SPMIP2: variants seen among roughly 807,000 people sequenced by gnomAD.
SPMIP2 encodes the protein sperm microtubule inner protein 2, also known as protein SPMIP2.
the SPMIP2 span, among the ~76,000 whole-genome samples, chr4:158,923,060 T>C: frequency 1.3e-5 from 2 of 152,222 alleles, no homozygotes; most frequent in African/African-American, 4.8e-5. Flanking sequence ...TTGTTAAAGT[T>C]AGTTGACCAT....
the SPMIP2 span, chr4:158,960,274 A>G: frequency 5.4e-6 from 8 of 1,480,080 alleles, no homozygotes; most frequent in Admixed American, 1.5e-4. Flanking sequence ...AAATATATTC[A>G]TATTTGCTTA....
the SPMIP2 span, among the ~76,000 whole-genome samples, chr4:159,030,451 G>A: frequency 5.3e-5 from 8 of 149,568 alleles, no homozygotes; most frequent in Non-Finnish European, 1.0e-4. Context: ...CCTATGCCAA[G>A]AGAAAGCAAA....
At chr4:158,948,723 CCACCT>C in the SPMIP2 span, among the ~76,000 whole-genome samples, 1 of 151,738 alleles carries the variant, frequency 6.6e-6, no homozygotes, top group Non-Finnish European at 1.5e-5. Context: ...AGTGATCCTC[CCACCT>C]CAAGTAGCTG....
the SPMIP2 span, among the ~76,000 whole-genome samples, chr4:158,908,669 C>T: frequency 6.6e-6 from 1 of 152,144 alleles, no homozygotes; most frequent in Non-Finnish European, 1.5e-5. Flanking sequence ...TTCATGAAGA[C>T]TCTGTATATA....
the SPMIP2 span, among the ~76,000 whole-genome samples, chr4:159,026,715 T>C: frequency 6.6e-6 from 1 of 152,052 alleles, no homozygotes; most frequent in South Asian, 2.1e-4. Flanking sequence ...AATAAATGTG[T>C]TTGTGCTAAA....
At chr4:158,998,729 G>C in the SPMIP2 span, among the ~76,000 whole-genome samples, 1 of 152,182 alleles carries the variant, frequency 6.6e-6, no homozygotes, top group Non-Finnish European at 1.5e-5. Flanking sequence ...ACCCACACTG[G>C]AAAGAGCTGA....
chr4:159,062,591 C>T, the SPMIP2 span, among the ~76,000 whole-genome samples: 1 of 152,150 alleles, frequency 6.6e-6, no homozygotes, highest in Non-Finnish European at 1.5e-5. Context: ...TATCACCTCA[C>T]CTGACTCTTG....
the SPMIP2 span, among the ~76,000 whole-genome samples, chr4:159,027,307 T>C: frequency 6.6e-6 from 1 of 152,200 alleles, no homozygotes; most frequent in African/African-American, 2.4e-5. Context: ...AAATGGCCCA[T>C]TATATTCTAT....
chr4:158,950,235 T>C, the SPMIP2 span, among the ~76,000 whole-genome samples: 2 of 152,248 alleles, frequency 1.3e-5, no homozygotes, highest in Non-Finnish European at 2.9e-5. Flanking sequence ...GGTGTTTGAC[T>C]GTAATTCCAC....
At chr4:159,047,728 T>C in the SPMIP2 span, among the ~76,000 whole-genome samples, 3 of 152,174 alleles carry the variant, frequency 2.0e-5, no homozygotes, top group Non-Finnish European at 4.4e-5. Flanking sequence ...CTGGAGCCAG[T>C]AGTTGACAGT....
the SPMIP2 span, among the ~76,000 whole-genome samples, chr4:159,061,655 A>G: frequency 6.6e-6 from 1 of 151,982 alleles, no homozygotes; most frequent in Non-Finnish European, 1.5e-5. Flanking sequence ...TAAAAATACA[A>G]AAAAAATTAG....
the SPMIP2 span, among the ~76,000 whole-genome samples, chr4:158,969,576 G>C: frequency 1.3e-5 from 2 of 152,120 alleles, no homozygotes; most frequent in Non-Finnish European, 2.9e-5. Flanking sequence ...TCCGCAACGT[G>C]GGGGAAGATT....
At chr4:159,065,870 T>C in the SPMIP2 span, among the ~76,000 whole-genome samples, 2 of 152,184 alleles carry the variant, frequency 1.3e-5, no homozygotes, top group Non-Finnish European at 2.9e-5. Context: ...CCCCATTTTA[T>C]AGATAAGAAA....
the SPMIP2 span, among the ~76,000 whole-genome samples, chr4:159,002,063 T>C: frequency 1.3e-5 from 2 of 152,242 alleles, no homozygotes. Flanking sequence ...TTTGCATTTC[T>C]CTAATGATCA....
At chr4:159,079,370 C>A in the SPMIP2 span, among the ~76,000 whole-genome samples, 1 of 152,158 alleles carries the variant, frequency 6.6e-6, no homozygotes, top group Non-Finnish European at 1.5e-5. Flanking sequence ...CAAGAAGCTG[C>A]CTTCTAAGAA....
At chr4:159,016,804 A>G in the SPMIP2 span, among the ~76,000 whole-genome samples, 23 of 152,342 alleles carry the variant, frequency 1.5e-4, no homozygotes, top group African/African-American at 5.5e-4. Context: ...GGATAAATGC[A>G]TTCCGTTTCA....
the SPMIP2 span, among the ~76,000 whole-genome samples, chr4:158,955,544 C>T: frequency 1.4e-3 from 210 of 152,168 alleles, no homozygotes; most frequent in African/African-American, 4.7e-3. Context: ...TACCTGGGAT[C>T]GCAGGCATGC....
chr4:158,984,702 C>G, the SPMIP2 span, among the ~76,000 whole-genome samples: 1 of 151,916 alleles, frequency 6.6e-6, no homozygotes, highest in Admixed American at 6.6e-5. Flanking sequence ...AATTGACATC[C>G]TAACATAACA....
the SPMIP2 span, among the ~76,000 whole-genome samples, chr4:159,082,163 C>CAA: frequency 1.7e-4 from 17 of 102,618 alleles, no homozygotes; most frequent in East Asian, 3.3e-4. Flanking sequence ...GCTAAGAATG[C>CAA]AAAAAAAAAA....
Sources: gnomAD v4.1 joint callset for allele counts (sites outside exome capture counted in the v4.1 genomes callset) on GRCh38, gnomAD v4.1.1 for gene constraint, MANE v1.5 for transcripts, NCBI Gene and HGNC (gene_info 2026-07-23, HGNC 2026-07-21) for gene names.